The following FAP variants were observed in gnomAD, a reference collection of about 807,000 sequenced individuals.
FAP encodes the protein fibroblast activation protein alpha.
In FAP, 110 loss-of-function variants were observed where a neutral mutation model predicts 126.5. That is an observed-to-expected ratio of 0.87 (90% CI 0.74 to 1.02). FAP has a LOEUF of 1.02. Ranked by LOEUF, FAP falls within the 50% of genes least tolerant of loss-of-function variation. FAP has a pLI of 0.00. For synonymous variants in FAP, 334 were observed against 297.3 expected, an observed-to-expected ratio of 1.12 and a Z score of -1.27; for missense variants, 919 against 909.2, an observed-to-expected ratio of 1.01 and a Z score of -0.14.
chr2:162,198,790 C>A lies in FAP; in HGVS notation c.1369G>T (p.Asp457Tyr), dbSNP rs780875561. ...RCQYYTASFS[D>Y]YAKYYALVCY... ...ACAAGTGCATAGTACTTGGCGTAGT[C>A]GCTGAAACTTGCTGTGTAATATTGG... The change falls in exon 16 of 26, where the codon GAC becomes TAC. Residue 457 changes from aspartate (D) to tyrosine (Y), a missense_variant. Asp to Tyr is a radical substitution (Grantham distance 160). Transcript: ENST00000188790. 6.2e-7 allele frequency: 1 copy of A among 1,614,076 alleles called. No individual in the cohort carries two copies. The highest frequency in any genetic ancestry group is 1.1e-5 in the South Asian group (1 of 91,080).
At chr2:162,174,527 G>A (rs150496318) in intron 22 of FAP, among the ~76,000 whole-genome samples, 263 of 152,210 alleles carry the variant, frequency 1.7e-3, no homozygotes, top group African/African-American at 6.1e-3. Context: ...TGGCCTGACC[G>A]TGCTGAAGAT....
intron 2 of FAP, among the ~76,000 whole-genome samples, chr2:162,231,069 G>T (rs992049677): frequency 1.3e-5 from 2 of 152,072 alleles, no homozygotes; most frequent in African/African-American, 4.8e-5. Flanking sequence ...GCCTTCAAAT[G>T]CACTCTTCTT....
At chr2:162,177,422 T>C (rs955324433) in intron 21 of FAP, among the ~76,000 whole-genome samples, 23 of 152,106 alleles carry the variant, frequency 1.5e-4, no homozygotes, top group African/African-American at 4.6e-4. Context: ...ACTTCTCCCC[T>C]TCCTTTCTCT....
At chr2:162,243,018 A>G (rs1332151600) in intron 1 of FAP, 26 bp from the exon 2 acceptor site, 1 of 1,564,336 alleles carries the variant, frequency 6.4e-7, no homozygotes, top group Non-Finnish European at 8.8e-7. Flanking sequence ...AGAATTAGGC[A>G]TACACACAGT....
In FAP at chr2:162,189,764, G is replaced by A. The variant is rs768970439; in HGVS notation, c.1451-10C>T. Reference sequence around the variant, plus strand: ...TCCAGGATTTTAATTTCTGAAAAATGTTAAATGTTCATTTTTAATCAATAG... The same window carrying A: ...TCCAGGATTTTAATTTCTGAAAAATATTAAATGTTCATTTTTAATCAATAG... On this transcript the variant is annotated splice_polypyrimidine_tract_variant and intron_variant, in intron 17 of 25. Transcript: ENST00000188790. 6 of 1,443,012 alleles carry A rather than the reference G, an allele frequency of 4.2e-6. No homozygotes were observed. In the African/African-American group the frequency reaches 5.7e-5, roughly 14 times the overall value. 89.4% of individuals were successfully genotyped at this position (1,443,012 alleles called of 1,614,324 possible). A position where few individuals can be genotyped will look rare whatever the true frequency, so the allele number is the denominator to read the frequency against.
intron 17 of FAP, chr2:162,194,272 CCACACACACACA>C (rs34495951): frequency 7.1e-6 from 1 of 141,584 alleles, no homozygotes; most frequent in Non-Finnish European, 1.5e-5. Flanking sequence ...TGGGATGTTA[CCACACACACACA>C]CACACACACA....
At chr2:162,238,847 A>G (rs193144040) in intron 2 of FAP, among the ~76,000 whole-genome samples, 13 of 152,296 alleles carry the variant, frequency 8.5e-5, no homozygotes, top group Admixed American at 4.6e-4. Context: ...TAATAATAAC[A>G]ACAACAACGG....
chr2:162,191,366 C>T (rs1224112618), intron 17 of FAP, among the ~76,000 whole-genome samples: 3 of 151,974 alleles, frequency 2.0e-5, no homozygotes, highest in Non-Finnish European at 4.4e-5. Context: ...ATTTTTCCAC[C>T]TCTTGGAGCA....
intron 25 of FAP, chr2:162,172,583 C>T: frequency 2.1e-6 from 1 of 473,082 alleles, no homozygotes; most frequent in Non-Finnish European, 3.8e-6. Flanking sequence ...TTGTGAACTC[C>T]TTTATTTTAC....
chr2:162,198,972 T>A, intron 15 of FAP, 91 bp from the exon 16 acceptor site: 1 of 1,091,930 alleles, frequency 9.2e-7, no homozygotes, highest in Non-Finnish European at 1.3e-6. Flanking sequence ...AATTTACATA[T>A]TGACATCAAA....
intron 17 of FAP, among the ~76,000 whole-genome samples, chr2:162,191,798 C>A (rs866298753): frequency 6.6e-6 from 1 of 152,160 alleles, no homozygotes; most frequent in South Asian, 2.1e-4. Flanking sequence ...CCCTCCCTGA[C>A]AATTCCAGCT....
At chr2:162,215,354 C>T (rs1689121713) in intron 10 of FAP, among the ~76,000 whole-genome samples, 1 of 152,188 alleles carries the variant, frequency 6.6e-6, no homozygotes, top group Admixed American at 6.5e-5. Context: ...CTGAAGGTCA[C>T]TGTATTCTGG....
At chr2:162,174,552 A>G (rs749236772) in intron 22 of FAP, among the ~76,000 whole-genome samples, 9 of 152,124 alleles carry the variant, frequency 5.9e-5, no homozygotes, top group African/African-American at 1.7e-4. Flanking sequence ...TTAAAAGCCA[A>G]TTATGCTGTA....
intron 12 of FAP, among the ~76,000 whole-genome samples, chr2:162,204,385 C>A (rs1688618485): frequency 6.6e-6 from 1 of 152,120 alleles, no homozygotes; most frequent in South Asian, 2.1e-4. Context: ...CGTGGAGCCA[C>A]AGAATGTGAC....
At chr2:162,221,597 C>A in intron 6 of FAP, 1 of 449,396 alleles carries the variant, frequency 2.2e-6, no homozygotes, top group Non-Finnish European at 4.5e-6. Context: ...TGTTACCTTT[C>A]ATACTGTAAC....
At chr2:162,188,541 G>T (rs1687931674) in intron 19 of FAP, among the ~76,000 whole-genome samples, 178 bp from the exon 20 acceptor site, 1 of 152,026 alleles carries the variant, frequency 6.6e-6, no homozygotes, top group Non-Finnish European at 1.5e-5. Flanking sequence ...TTGCTACAAG[G>T]AAGTTGTTTT....
Position 162,219,132 on chromosome 2 carries a change from G to T in FAP, c.538C>A (p.Pro180Thr). The T allele has an allele frequency of 6.2e-7, 1 of 1,606,434 alleles. No individual in the cohort carries two copies. The highest frequency in any genetic ancestry group is 1.1e-5 in the South Asian group (1 of 90,802). ...IYLKQRPGDP[P>T]FQITFNGREN... Reference sequence around the variant, plus strand: ...CTTCCATTAAATGTTATTTGAAAAGGTGGATCTCCTGGTCTTTGTTTCAAA... The same window carrying T: ...CTTCCATTAAATGTTATTTGAAAAGTTGGATCTCCTGGTCTTTGTTTCAAA... Residue 180 changes from proline to threonine, a missense_variant, in exon 8 of 26, where the codon CCT becomes ACT. Coordinates refer to ENST00000188790, the MANE Select transcript of FAP (RefSeq NM_004460.5).
At chr2:162,195,116 C>G (rs956642836) in intron 16 of FAP, 1 of 251,032 alleles carries the variant, frequency 4.0e-6, no homozygotes, top group African/African-American at 2.2e-5. Flanking sequence ...TATCAAACAA[C>G]CTTCACCAGT....
chr2:162,193,976 T>C (rs1031645889), intron 17 of FAP: 6 of 152,062 alleles, frequency 3.9e-5, no homozygotes, highest in African/African-American at 1.4e-4. Flanking sequence ...AATCAAAAGA[T>C]AATGGAGAGC....
Sources: allele counts gnomAD v4.1 joint callset (sites outside exome capture counted in the v4.1 genomes callset), GRCh38; gene constraint gnomAD v4.1.1; transcripts MANE v1.5; gene names NCBI Gene and HGNC (gene_info 2026-07-23, HGNC 2026-07-21).